DPP6: variants seen among roughly 807,000 people sequenced by gnomAD.
DPP6 encodes the protein dipeptidyl peptidase like 6, also known as A-type potassium channel modulatory protein DPP6.
In DPP6, 69 loss-of-function variants were observed where a neutral mutation model predicts 122.6. That is an observed-to-expected ratio of 0.56 (90% CI 0.46 to 0.69). The LOEUF (loss-of-function observed/expected upper bound fraction) is 0.69. Ranked by LOEUF, DPP6 falls within the 30% of genes least tolerant of loss-of-function variation. The pLI, the probability that DPP6 is intolerant of heterozygous loss-of-function variation, is 0.00. For missense variants in DPP6, 928 were observed against 1,116.9 expected (o/e 0.83, Z 2.41); for synonymous variants, 418 against 433.1 (o/e 0.97, Z 0.43).
chr7:153,783,239 T>C, the DPP6 span, among the ~76,000 whole-genome samples: 1 of 152,090 alleles, frequency 6.6e-6, no homozygotes, highest in Non-Finnish European at 1.5e-5. Context: ...AGAAAAGAAG[T>C]TTAATTGACT....
chr7:154,892,696 T>A lies in DPP6; in HGVS notation c.*216T>A. ...GCCTCCATGGCACCAGGGACAACGCTGTCCCCGCAGCAGCGCCTCCTCCCG... is the reference window on the plus strand; with the variant it reads ...GCCTCCATGGCACCAGGGACAACGCAGTCCCCGCAGCAGCGCCTCCTCCCG... On this transcript the variant is annotated 3_prime_UTR_variant, in exon 26 of 26. Transcript: ENST00000377770. 9.8e-7 allele frequency: 1 copy of A among 1,017,428 alleles called. No individual in the cohort carries two copies. Among genetic ancestry groups the A allele is most frequent in the Non-Finnish European group, 1.5e-6 (1 of 662,584 alleles). The allele number at this position is 1,017,428 out of a possible 1,614,324, so 63.0% of individuals were successfully genotyped here.
intron 1 of DPP6, among the ~76,000 whole-genome samples, chr7:154,043,653 T>C (rs1799878814): frequency 6.7e-6 from 1 of 148,640 alleles, no homozygotes; most frequent in African/African-American, 2.5e-5. Context: ...TTTGAATATC[T>C]CAATTGGGAA....
At position 154,857,966 on chromosome 7, in the gene DPP6, C is replaced by G. The variant is rs537229680; in HGVS notation, c.1714+4139C>G. 2.0e-3 allele frequency among the ~76,000 whole-genome samples: 299 copies of G among 152,256 alleles called. 1 individual carries two copies. The highest frequency in any genetic ancestry group is 6.8e-3 in the African/African-American group (281 of 41,540). On this transcript the variant is annotated intron_variant, in intron 17 of 25. Transcript: ENST00000377770. ...CATCCCTGCAGATGCCTGTTTCATC[C>G]AAACACTCAGCCAGCTAGCGGTTCT...
chr7:154,827,585 T>G (rs768478128), intron 16 of DPP6, among the ~76,000 whole-genome samples: 1 of 150,534 alleles, frequency 6.6e-6, no homozygotes, highest in Non-Finnish European at 1.5e-5. Context: ...ATGCGTCTCT[T>G]GGAAAGGATG....
intron 7 of DPP6, among the ~76,000 whole-genome samples, chr7:154,684,930 C>T (rs530167728): frequency 5.9e-5 from 9 of 152,324 alleles, no homozygotes; most frequent in African/African-American, 2.2e-4. Flanking sequence ...TTTTAAATTT[C>T]CTATGTTACT....
At chr7:154,292,943 T>C (rs531066817) in intron 1 of DPP6, among the ~76,000 whole-genome samples, 4 of 152,344 alleles carry the variant, frequency 2.6e-5, no homozygotes, top group Admixed American at 6.5e-5. Flanking sequence ...TAAATTAATT[T>C]CATAATAGAA....
chr7:154,498,959 A>T (rs1824985667), intron 3 of DPP6, among the ~76,000 whole-genome samples: 1 of 152,198 alleles, frequency 6.6e-6, no homozygotes, highest in African/African-American at 2.4e-5. Context: ...TTATCTTTAG[A>T]TTCACAAAAG....
intron 8 of DPP6, among the ~76,000 whole-genome samples, chr7:154,741,716 C>G (rs796957359): frequency 2.6e-5 from 4 of 152,172 alleles, no homozygotes; most frequent in African/African-American, 9.7e-5. Flanking sequence ...GGCAGCCAGG[C>G]CAGCTGAAGG....
chr7:154,135,157 T>G (rs1476700827), intron 1 of DPP6, among the ~76,000 whole-genome samples: 5 of 152,206 alleles, frequency 3.3e-5, no homozygotes, highest in Middle Eastern at 3.4e-3. Context: ...GGTGTACACT[T>G]CCTGTGAGCA....
chr7:153,987,331 G>C (rs1012526976), intron 1 of DPP6, among the ~76,000 whole-genome samples: 3 of 152,200 alleles, frequency 2.0e-5, no homozygotes, highest in African/African-American at 7.2e-5. Context: ...ATTTGCTTAC[G>C]TTGAATCACT....
chr7:154,117,715 T>C (rs1352306661), intron 1 of DPP6, among the ~76,000 whole-genome samples: 3 of 151,914 alleles, frequency 2.0e-5, no homozygotes, highest in Admixed American at 6.6e-5. Context: ...GAGTGTAAAT[T>C]AACTGATCAT....
At chr7:154,832,520 C>T (rs1292909911) in intron 16 of DPP6, among the ~76,000 whole-genome samples, 2 of 152,184 alleles carry the variant, frequency 1.3e-5, no homozygotes, top group African/African-American at 4.8e-5. Context: ...GCAAAGCCAC[C>T]ACCCATTTTA....
At chr7:153,780,756 A>C in the DPP6 span, among the ~76,000 whole-genome samples, 1 of 152,142 alleles carries the variant, frequency 6.6e-6, no homozygotes, top group Non-Finnish European at 1.5e-5. Flanking sequence ...ATTGGGAGTT[A>C]GTCCAGAAGG....
intron 1 of DPP6, among the ~76,000 whole-genome samples, chr7:154,148,676 A>G (rs1796245512): frequency 6.6e-6 from 1 of 152,302 alleles, no homozygotes; most frequent in Non-Finnish European, 1.5e-5. Flanking sequence ...TGAAGCAGTG[A>G]TATTTAATTT....
At chr7:154,335,949 G>T (rs1046435749) in intron 1 of DPP6, among the ~76,000 whole-genome samples, 1 of 152,112 alleles carries the variant, frequency 6.6e-6, no homozygotes, top group Admixed American at 6.5e-5. Flanking sequence ...ATCCTGAAAT[G>T]TGGGCTCCAT....
chr7:154,738,000 T>C (rs1248805582), intron 8 of DPP6, among the ~76,000 whole-genome samples: 2 of 152,216 alleles, frequency 1.3e-5, no homozygotes, highest in Non-Finnish European at 2.9e-5. Context: ...GCAGGCATAT[T>C]ACAGTGGAAC....
intron 7 of DPP6, among the ~76,000 whole-genome samples, chr7:154,698,251 C>G (rs1033007982): frequency 6.6e-6 from 1 of 152,146 alleles, no homozygotes; most frequent in East Asian, 1.9e-4. Flanking sequence ...TTGAGTCGAT[C>G]TACCAAAATG....
At chr7:154,851,066 T>G (rs1439838266) in intron 16 of DPP6, among the ~76,000 whole-genome samples, 1 of 152,214 alleles carries the variant, frequency 6.6e-6, no homozygotes, top group Non-Finnish European at 1.5e-5. Context: ...TTAGCAACAT[T>G]TAGGTTACTT....
chr7:153,881,258 G>A, the DPP6 span, among the ~76,000 whole-genome samples: 19 of 152,346 alleles, frequency 1.2e-4, no homozygotes, highest in Non-Finnish European at 1.8e-4. Flanking sequence ...AAGTAAATAT[G>A]TGTGATAAGT....
Sources: allele counts gnomAD v4.1 joint callset (sites outside exome capture counted in the v4.1 genomes callset), GRCh38; gene constraint gnomAD v4.1.1; transcripts MANE v1.5; gene names NCBI Gene and HGNC (gene_info 2026-07-23, HGNC 2026-07-21).